The following SLC5A3 variants were observed in gnomAD, a reference collection of about 807,000 sequenced individuals.
SLC5A3 encodes the protein sodium/myo-inositol cotransporter.
In SLC5A3, 10 loss-of-function variants were observed where a neutral mutation model predicts 43.2. The observed-to-expected ratio is 0.23, with a 90% CI of 0.14 to 0.39. The LOEUF (loss-of-function observed/expected upper bound fraction) is 0.39. Ranked by LOEUF, SLC5A3 falls within the 10% of genes least tolerant of loss-of-function variation. SLC5A3 has a pLI of 1.00. For synonymous variants in SLC5A3, 349 were observed against 322.0 expected (o/e 1.08, Z -0.90); for missense variants, 608 against 893.4 (o/e 0.68, Z 4.07).
chr21:34,098,785 A>G lies in SLC5A3; in HGVS notation c.*1430A>G. 2.0e-6 allele frequency: 2 copies of G among 1,000,266 alleles called. No individual in the cohort carries two copies. Among genetic ancestry groups the G allele is most frequent in the South Asian group, 9.4e-5 (2 of 21,288 alleles). The allele number at this position is 1,000,266 out of a possible 1,614,324, so 62.0% of individuals were successfully genotyped here. A position where few individuals can be genotyped will look rare whatever the true frequency, so the allele number is the denominator to read the frequency against. Reference sequence around the variant, plus strand: ...TACAGGGTACAAAAGATGTTAGAGAAAAGCTCTACAGATTACGTACTTCTG... The same window carrying G: ...TACAGGGTACAAAAGATGTTAGAGAGAAGCTCTACAGATTACGTACTTCTG... On this transcript the variant is annotated 3_prime_UTR_variant, in exon 2 of 2. Coordinates refer to ENST00000381151, the MANE Select transcript of SLC5A3 (RefSeq NM_006933.7).
chr21:34,091,216 T>G (rs1978668075), intron 1 of SLC5A3, among the ~76,000 whole-genome samples: 1 of 151,756 alleles, frequency 6.6e-6, no homozygotes, highest in Non-Finnish European at 1.5e-5. Context: ...CTAAAAGAGG[T>G]GGTTGTTTGG....
chr21:34,077,257 A>T (rs1356712230), intron 1 of SLC5A3, among the ~76,000 whole-genome samples: 2 of 152,264 alleles, frequency 1.3e-5, no homozygotes, highest in Non-Finnish European at 2.9e-5. Flanking sequence ...TATAATGTAG[A>T]GGAGCTTAGG....
rs1398341982 is a variant in SLC5A3, at chr21:34,105,486, A to C, written c.*8131A>C. Reference sequence around the variant, plus strand: ...GCTGCTTTTATCTAGTAATTTTGATATGTAAGTATTAATGCATTTTTAAAA... The same window carrying C: ...GCTGCTTTTATCTAGTAATTTTGATCTGTAAGTATTAATGCATTTTTAAAA... On this transcript the variant is annotated 3_prime_UTR_variant, in exon 2 of 2. Transcript: ENST00000381151. The C allele has an allele frequency of 1.0e-6, 1 of 999,770 alleles. No homozygotes were observed. The highest frequency in any genetic ancestry group is 1.7e-5 in the African/African-American group (1 of 57,208). The allele number at this position is 999,770 out of a possible 1,614,324, so 61.9% of individuals were successfully genotyped here.
chr21:34,097,891 T>G lies in SLC5A3; in HGVS notation c.*536T>G, dbSNP rs989442254. The G allele has an allele frequency of 1.0e-6, 1 of 997,396 alleles. No individual in the cohort carries two copies. 61.8% of individuals were successfully genotyped at this position (997,396 alleles called of 1,614,324 possible). A position where few individuals can be genotyped will look rare whatever the true frequency, so the allele number is the denominator to read the frequency against. ...ATTTGCCAGGTTCATTTTGTTAGCATGAGCCTACGGATTCTGATTTCCCAA... is the reference window on the plus strand; with the variant it reads ...ATTTGCCAGGTTCATTTTGTTAGCAGGAGCCTACGGATTCTGATTTCCCAA... On this transcript the variant is annotated 3_prime_UTR_variant, in exon 2 of 2. Transcript: ENST00000381151.
rs1414129750 is a variant in SLC5A3, at chr21:34,104,305, A to G, written c.*6950A>G. 2.0e-6 allele frequency: 2 copies of G among 1,000,042 alleles called. No individual in the cohort carries two copies. The highest frequency in any genetic ancestry group is 3.5e-5 in the African/African-American group (2 of 57,226). 61.9% of individuals were successfully genotyped at this position (1,000,042 alleles called of 1,614,324 possible). On this transcript the variant is annotated 3_prime_UTR_variant, in exon 2 of 2. Transcript: ENST00000381151. ...CCTCTTCTAGTCTAGATGAGATGAA[A>G]TCTGTTAATGTGTGTGTAGAAGAAA... is the stretch of plus-strand genomic sequence containing the variant.
chr21:34,102,241 G>C lies in SLC5A3; in HGVS notation c.*4886G>C, dbSNP rs776545631. Reference sequence around the variant, plus strand: ...AAGTAATTAACTGGCTTTGCCAGTGGTGAGTCCCACACCATTATTCACTTA... The same window carrying C: ...AAGTAATTAACTGGCTTTGCCAGTGCTGAGTCCCACACCATTATTCACTTA... On this transcript the variant is annotated 3_prime_UTR_variant, in exon 2 of 2. Coordinates refer to ENST00000381151, the MANE Select transcript of SLC5A3 (RefSeq NM_006933.7). The C allele has an allele frequency of 4.9e-5, 49 of 999,756 alleles. No homozygotes were observed. Among genetic ancestry groups the C allele is most frequent in the Non-Finnish European group, 5.8e-5 (48 of 829,834 alleles). The allele number at this position is 999,756 out of a possible 1,614,324, so 61.9% of individuals were successfully genotyped here.
chr21:34,098,426 C>T lies in SLC5A3; in HGVS notation c.*1071C>T, dbSNP rs576403319. 1 of 999,988 alleles carries T rather than the reference C, an allele frequency of 1.0e-6. No individual in the cohort carries two copies. The allele number at this position is 999,988 out of a possible 1,614,324, so 61.9% of individuals were successfully genotyped here. A position where few individuals can be genotyped will look rare whatever the true frequency, so the allele number is the denominator to read the frequency against. On this transcript the variant is annotated 3_prime_UTR_variant, in exon 2 of 2. Transcript: ENST00000381151. ...GAATTTTTAGAGGGAAAATTTAATT[C>T]TGATATCTTATTGCATCCTTGATAA...
chr21:34,086,353 T>G (rs1169351406), intron 1 of SLC5A3, among the ~76,000 whole-genome samples: 2 of 152,224 alleles, frequency 1.3e-5, no homozygotes, highest in Non-Finnish European at 2.9e-5. Context: ...GCGTCCATTT[T>G]GAAGTCCCCC....
At chr21:34,083,373 C>T (rs962528976) in intron 1 of SLC5A3, among the ~76,000 whole-genome samples, 5 of 152,116 alleles carry the variant, frequency 3.3e-5, no homozygotes, top group Non-Finnish European at 1.5e-5. Flanking sequence ...TCAGATGCCC[C>T]GTGTATGAAT....
chr21:34,077,131 A>G (rs1486018280), intron 1 of SLC5A3, among the ~76,000 whole-genome samples: 1 of 152,208 alleles, frequency 6.6e-6, no homozygotes, highest in Admixed American at 6.5e-5. Context: ...CTCTCTTGTG[A>G]GTGGGAAAAT....
chr21:34,103,502 T>C lies in SLC5A3; in HGVS notation c.*6147T>C, dbSNP rs544628755. The stretch of plus-strand genomic sequence containing the variant: ...TTGTTGTGTTTCCATTGTAGGTTGA[T>C]AGGTATATCGAGAACAGGTACGTGA... On this transcript the variant is annotated 3_prime_UTR_variant, in exon 2 of 2. Coordinates refer to ENST00000381151, the MANE Select transcript of SLC5A3 (RefSeq NM_006933.7). The C allele has an allele frequency of 1.0e-6, 1 of 999,310 alleles. No individual in the cohort carries two copies. The highest frequency in any genetic ancestry group is 1.2e-6 in the Non-Finnish European group (1 of 829,120). The allele number at this position is 999,310 out of a possible 1,614,324, so 61.9% of individuals were successfully genotyped here.
chr21:34,075,145 T>A (rs1330231522), intron 1 of SLC5A3, among the ~76,000 whole-genome samples: 1 of 152,236 alleles, frequency 6.6e-6, no homozygotes, highest in Non-Finnish European at 1.5e-5. Flanking sequence ...TGGAAGTTGT[T>A]TAAGCCCTCC....
rs1979312301 is a variant in SLC5A3, at chr21:34,102,913, G to T, written c.*5558G>T. 3 of 999,576 alleles carry T rather than the reference G, an allele frequency of 3.0e-6. No individual in the cohort carries two copies. Among genetic ancestry groups the T allele is most frequent in the Non-Finnish European group, 3.6e-6 (3 of 829,852 alleles). The allele number at this position is 999,576 out of a possible 1,614,324, so 61.9% of individuals were successfully genotyped here. A position where few individuals can be genotyped will look rare whatever the true frequency, so the allele number is the denominator to read the frequency against. The stretch of plus-strand genomic sequence containing the variant: ...CGACAACCGCACAAGTTGGCAGTAG[G>T]TATCCCCAACCTAATTTATCTTGGT... On this transcript the variant is annotated 3_prime_UTR_variant, in exon 2 of 2. Transcript: ENST00000381151.
At position 34,103,955 on chromosome 21, in the gene SLC5A3, A is replaced by G; in HGVS notation, c.*6600A>G. On this transcript the variant is annotated 3_prime_UTR_variant, in exon 2 of 2. Transcript: ENST00000381151. ...GAACAGGTGACATATTTCTGTTTTA[A>G]GCTGTAGTGTGATTGGGGTTTTTTG... 1.0e-5 allele frequency: 10 copies of G among 1,000,156 alleles called. No individual in the cohort carries two copies. Among genetic ancestry groups the G allele is most frequent in the Non-Finnish European group, 1.1e-5 (9 of 829,932 alleles). 62.0% of individuals were successfully genotyped at this position (1,000,156 alleles called of 1,614,324 possible).
Position 34,097,725 on chromosome 21 carries a change from G to C in SLC5A3, c.*370G>C. The C allele has an allele frequency of 9.9e-7, 1 of 1,008,494 alleles. No individual in the cohort carries two copies. The allele number at this position is 1,008,494 out of a possible 1,614,324, so 62.5% of individuals were successfully genotyped here. A position where few individuals can be genotyped will look rare whatever the true frequency, so the allele number is the denominator to read the frequency against. On this transcript the variant is annotated 3_prime_UTR_variant, in exon 2 of 2. Transcript: ENST00000381151. ...TGGCAGACCTTACCCTGAAGTAGAA[G>C]ATTTGCTCATTTCTAAATTTTTTTT...
At position 34,096,551 on chromosome 21, in the gene SLC5A3, A is replaced by T. The variant is rs559001332; in HGVS notation, c.1353A>T (p.Pro451=). 17 of 1,614,160 alleles carry T rather than the reference A, an allele frequency of 1.1e-5. No homozygotes were observed. The highest frequency in any genetic ancestry group is 4.5e-5 in the East Asian group (2 of 44,882). ...AGGTAGCAGATTACCTGACACCCCC[A>T]GTGGCAGCCTTGTTCCTGCTGGCAA... ...IQEVADYLTP[P]VAALFLLAIF... The change falls in exon 2 of 2, where the codon CCA becomes CCT. Residue 451 remains proline (P), a synonymous_variant. Transcript: ENST00000381151. This position sits in a 1 kb window ranked among gnomAD's most constrained non-coding sequence, Gnocchi z 5.9.
Position 34,095,149 on chromosome 21 carries a change from A to T in SLC5A3, c.-50A>T, listed in dbSNP as rs909998618. The T allele has an allele frequency of 2.0e-6, 3 of 1,506,578 alleles. No homozygotes were observed. Among genetic ancestry groups the T allele is most frequent in the Non-Finnish European group, 2.6e-6 (3 of 1,135,654 alleles). The allele number at this position is 1,506,578 out of a possible 1,614,324, so 93.3% of individuals were successfully genotyped here. ...GGCTGGGGTTACTAAAAATAAATAA[A>T]AAGTTGGACACTTCTGTCATTGGAG... On this transcript the variant is annotated 5_prime_UTR_variant, in exon 2 of 2. Coordinates refer to ENST00000381151, the MANE Select transcript of SLC5A3 (RefSeq NM_006933.7).
In SLC5A3 at chr21:34,101,048, G is replaced by A. The variant is rs1979214992; in HGVS notation, c.*3693G>A. On this transcript the variant is annotated 3_prime_UTR_variant, in exon 2 of 2. Transcript: ENST00000381151. ...TGACACCTCACTGTTTCCTAGGTTTGGATAGAGAGATGTATACAAGACCTT... is the reference window on the plus strand; with the variant it reads ...TGACACCTCACTGTTTCCTAGGTTTAGATAGAGAGATGTATACAAGACCTT... The A allele has an allele frequency of 3.0e-6, 3 of 1,000,104 alleles. No individual in the cohort carries two copies. Among genetic ancestry groups the A allele is most frequent in the Non-Finnish European group, 3.6e-6 (3 of 829,928 alleles). 62.0% of individuals were successfully genotyped at this position (1,000,104 alleles called of 1,614,324 possible).
At position 34,104,563 on chromosome 21, in the gene SLC5A3, T is replaced by C; in HGVS notation, c.*7208T>C. The stretch of plus-strand genomic sequence containing the variant: ...ATATATCTAGAAGGAAGACTATATC[T>C]GGTGTAGACTAATATGAGATGTTTT... On this transcript the variant is annotated 3_prime_UTR_variant, in exon 2 of 2. Coordinates refer to ENST00000381151, the MANE Select transcript of SLC5A3 (RefSeq NM_006933.7). 1.0e-6 allele frequency: 1 copy of C among 999,044 alleles called. No homozygotes were observed. The highest frequency in any genetic ancestry group is 4.7e-5 in the South Asian group (1 of 21,266). The allele number at this position is 999,044 out of a possible 1,614,324, so 61.9% of individuals were successfully genotyped here.
Sources: allele counts gnomAD v4.1 joint callset (sites outside exome capture counted in the v4.1 genomes callset), GRCh38; gene constraint gnomAD v4.1.1; non-coding constraint Gnocchi (gnomAD v3.1); transcripts MANE v1.5; gene names NCBI Gene and HGNC (gene_info 2026-07-23, HGNC 2026-07-21).